The following NFASC variants were observed in gnomAD, a reference collection of about 807,000 sequenced individuals.
NFASC encodes neurofascin homolog.
In NFASC, 43 loss-of-function variants were observed where a neutral mutation model predicts 147.5. The ratio of observed to expected loss-of-function variants is 0.29; its 90% confidence interval spans 0.23 to 0.38. NFASC has a LOEUF of 0.38. NFASC is among the 10% of genes least tolerant of loss of function. The pLI, the probability that NFASC is intolerant of heterozygous loss-of-function variation, is 1.00. For missense variants in NFASC, 1,320 were observed against 1,689.0 expected (o/e 0.78, Z 3.83); for synonymous variants, 622 against 665.5 (o/e 0.93, Z 1.01).
At position 204,975,527 on chromosome 1, in the gene NFASC, C is replaced by A; in HGVS notation, c.1706+109C>A. The A allele has an allele frequency of 7.0e-7, 1 of 1,423,268 alleles. No individual in the cohort carries two copies. Among genetic ancestry groups the A allele is most frequent in the Non-Finnish European group, 9.7e-7 (1 of 1,032,434 alleles). The allele number at this position is 1,423,268 out of a possible 1,614,324, so 88.2% of individuals were successfully genotyped here. ...ACAGGGACAGGGAACCCGTGTCATG[C>A]ATGTCACCAAGGAGCTTCTGCAGAG... On this transcript the variant is annotated intron_variant, in intron 15 of 29. Transcript: ENST00000339876. This position sits in a 1 kb window ranked among gnomAD's most constrained non-coding sequence, Gnocchi z 4.0.
chr1:204,966,005 T>C (rs2094929336), intron 8 of NFASC, among the ~76,000 whole-genome samples: 2 of 152,206 alleles, frequency 1.3e-5, no homozygotes. Context: ...GATGGAGCTG[T>C]CAGCACAGTG....
At chr1:204,953,336 C>T (rs897307460) in intron 5 of NFASC, among the ~76,000 whole-genome samples, 2 of 152,154 alleles carry the variant, frequency 1.3e-5, no homozygotes, top group African/African-American at 2.4e-5. Context: ...TCGCTCTATC[C>T]CCCAGACTGG....
chr1:204,987,156 G>C lies in NFASC; in HGVS notation c.2471-262G>C, dbSNP rs2150573533. 1.9e-6 allele frequency: 1 copy of C among 524,774 alleles called. No individual in the cohort carries two copies. Among genetic ancestry groups the C allele is most frequent in the African/African-American group, 1.9e-5 (1 of 52,602 alleles). 32.5% of individuals were successfully genotyped at this position (524,774 alleles called of 1,614,324 possible). On this transcript the variant is annotated intron_variant, in intron 21 of 29. Transcript: ENST00000339876. The surrounding 1 kb of genome is among the most constrained non-coding windows in gnomAD (Gnocchi z 4.4). ...TGTGCTGAATCCAGAGTAGTTGCTA[G>C]AAGAAAACCTGATTTACTTCTTCCT...
At position 204,954,475 on chromosome 1, in the gene NFASC, G is replaced by A. The variant is rs1419207744; in HGVS notation, c.412+91G>A. ...AGGCCATTCCAGAAGGGCTGCCCCTGCCCTTGGCCTGCAGTTGCCTTGGTG... is the reference window on the plus strand; with the variant it reads ...AGGCCATTCCAGAAGGGCTGCCCCTACCCTTGGCCTGCAGTTGCCTTGGTG... On this transcript the variant is annotated intron_variant, in intron 6 of 29. Transcript: ENST00000339876. This position sits in a 1 kb window ranked among gnomAD's most constrained non-coding sequence, Gnocchi z 5.7. 4.0e-6 allele frequency: 5 copies of A among 1,253,782 alleles called. No individual in the cohort carries two copies. In the East Asian group the frequency reaches 9.8e-5, roughly 25 times the overall value. The allele number at this position is 1,253,782 out of a possible 1,614,324, so 77.7% of individuals were successfully genotyped here. A position where few individuals can be genotyped will look rare whatever the true frequency, so the allele number is the denominator to read the frequency against.
chr1:204,870,586 C>G, intron 1 of NFASC: 1 of 847,058 alleles, frequency 1.2e-6, no homozygotes, highest in South Asian at 5.1e-5. Context: ...TGGTACGTCT[C>G]TCTGTCTATC....
intron 3 of NFASC, among the ~76,000 whole-genome samples, 191 bp from the exon 4 acceptor site, chr1:204,950,366 C>T (rs2066306): frequency 0.096 from 14,566 of 152,212 alleles, 761 homozygotes; most frequent in Middle Eastern, 0.22. Flanking sequence ...TCACTGGGTC[C>T]GTTCCCCAAC....
intron 1 of NFASC, among the ~76,000 whole-genome samples, chr1:204,889,736 C>T (rs1344445325): frequency 6.6e-6 from 1 of 152,152 alleles, no homozygotes; most frequent in Non-Finnish European, 1.5e-5. Flanking sequence ...CTCAGAGATC[C>T]CAGATCCCAG....
intron 27 of NFASC, among the ~76,000 whole-genome samples, chr1:205,006,495 G>A (rs184634256): frequency 2.6e-5 from 4 of 152,312 alleles, no homozygotes; most frequent in Admixed American, 2.0e-4. Context: ...CTAGGAGGGC[G>A]ACAGCCTGGG....
chr1:204,929,436 C>G (rs564162585), intron 2 of NFASC: 30 of 152,476 alleles, frequency 2.0e-4, no homozygotes, highest in African/African-American at 6.7e-4. Context: ...TGGTTGACCC[C>G]ACACCGGCCA....
intron 11 of NFASC, 47 bp from the exon 12 acceptor site, chr1:204,973,229 C>G (rs753280176): frequency 6.2e-7 from 1 of 1,608,190 alleles, no homozygotes; most frequent in East Asian, 2.2e-5. Context: ...TGCCCTTCAC[C>G]CTGCCCTCCC....
rs769612540 is a variant in NFASC at position 205,002,664 on chromosome 1, C to T, written c.3205C>T (p.Pro1069Ser). ...AQPIQLTDLY[P>S]GMTYTLRVYS... is the part of the protein sequence containing the mutation. ...GCCTATACAGCTGACAGACCTCTAT[C>T]CCGGGATGACATACACGTTGCGGGT... is the stretch of plus-strand genomic sequence containing the variant. Residue 1069 changes from proline to serine, a missense_variant, in exon 27 of 30, where the codon CCC (proline) becomes TCC (serine). By Grantham distance (74) the Pro-to-Ser change is moderately conservative. Transcript: ENST00000339876. 2 of 1,588,680 alleles carry T rather than the reference C, an allele frequency of 1.3e-6. No individual in the cohort carries two copies. Among genetic ancestry groups the T allele is most frequent in the Non-Finnish European group, 1.7e-6 (2 of 1,160,944 alleles).
At chr1:204,870,676 AG>A (rs1343010612) in intron 1 of NFASC, 1 of 1,078,888 alleles carries the variant, frequency 9.3e-7, no homozygotes, top group Non-Finnish European at 1.1e-6. Flanking sequence ...GCGGTGAGCG[AG>A]TGAGCAAGCC....
chr1:204,932,149 A>G (rs2092417048), intron 2 of NFASC, among the ~76,000 whole-genome samples: 3 of 152,186 alleles, frequency 2.0e-5, no homozygotes, highest in South Asian at 4.1e-4. Flanking sequence ...GGTTTACCCT[A>G]TATTCAGAGA....
chr1:204,952,220 C>CA (rs2094165729), intron 5 of NFASC, 104 bp downstream of exon 5: 3 of 889,196 alleles, frequency 3.4e-6, no homozygotes, highest in Non-Finnish European at 5.3e-6. Context: ...TCATCCATTC[C>CA]AAAAAATTTC....
chr1:204,839,186 T>C (rs1339294866), intron 1 of NFASC, among the ~76,000 whole-genome samples: 1 of 152,242 alleles, frequency 6.6e-6, no homozygotes, highest in Non-Finnish European at 1.5e-5. Flanking sequence ...TGTGAGTCAC[T>C]CTTTGTTAGC....
chr1:204,984,201 T>G, intron 21 of NFASC: 2 of 1,129,158 alleles, frequency 1.8e-6, no homozygotes, highest in South Asian at 2.5e-5. Context: ...GGGCCAGGGG[T>G]AGCAAATGCG....
intron 8 of NFASC, among the ~76,000 whole-genome samples, chr1:204,959,053 C>T (rs1274509669): frequency 4.3e-5 from 6 of 138,694 alleles, no homozygotes; most frequent in South Asian, 2.2e-4. Flanking sequence ...TTCTCTTCCC[C>T]TTCTCATGTT....
At chr1:204,864,845 T>C (rs1014020242) in intron 1 of NFASC, among the ~76,000 whole-genome samples, 1 of 152,204 alleles carries the variant, frequency 6.6e-6, no homozygotes, top group Admixed American at 6.5e-5. Flanking sequence ...CAGCCTACCC[T>C]AGAGAACCTT....
intron 1 of NFASC, among the ~76,000 whole-genome samples, chr1:204,913,537 G>A (rs1456544738): frequency 6.6e-6 from 1 of 152,172 alleles, no homozygotes; most frequent in Non-Finnish European, 1.5e-5. Context: ...GTGTATGATT[G>A]AAGATGACAT....
Sources: gnomAD v4.1 joint callset for allele counts (sites outside exome capture counted in the v4.1 genomes callset) on GRCh38, gnomAD v4.1.1 for gene constraint, Gnocchi (gnomAD v3.1) non-coding constraint, MANE v1.5 for transcripts, NCBI Gene and HGNC (gene_info 2026-07-23, HGNC 2026-07-21) for gene names.